Variants in SLC71A2 observed in about 807,000 individuals in gnomAD.
SLC71A2 encodes hippocampus abundant transcript-like 1.
chr9:94,417,366 G>A, the SLC71A2 span, among the ~76,000 whole-genome samples: 2 of 152,160 alleles, frequency 1.3e-5, no homozygotes, highest in Non-Finnish European at 2.9e-5. Context: ...GGAGGCTCAC[G>A]CCTGTAATCC....
the SLC71A2 span, among the ~76,000 whole-genome samples, chr9:94,407,784 C>T: frequency 1.3e-5 from 2 of 152,048 alleles, no homozygotes. Flanking sequence ...TTCAGTTACC[C>T]GAAGTGGGCT....
the SLC71A2 span, chr9:94,441,186 CT>C: frequency 3.3e-6 from 2 of 605,218 alleles, no homozygotes; most frequent in East Asian, 3.0e-5. Flanking sequence ...TTTATTAGTC[CT>C]TTCTTGCACT....
the SLC71A2 span, among the ~76,000 whole-genome samples, chr9:94,394,144 GA>G: frequency 7.4e-6 from 1 of 134,964 alleles, no homozygotes; most frequent in Non-Finnish European, 1.6e-5. Flanking sequence ...TAAATTGTTT[GA>G]AAAGTTGTGA....
At chr9:94,381,662 A>G in the SLC71A2 span, among the ~76,000 whole-genome samples, 3 of 152,238 alleles carry the variant, frequency 2.0e-5, no homozygotes, top group South Asian at 6.2e-4. Flanking sequence ...CATATGGTAG[A>G]TGTATTTAAC....
At chr9:94,420,402 A>G in the SLC71A2 span, among the ~76,000 whole-genome samples, 1 of 152,090 alleles carries the variant, frequency 6.6e-6, no homozygotes, top group South Asian at 2.1e-4. Context: ...GAAAACCACC[A>G]TTTCTGCCTG....
the SLC71A2 span, among the ~76,000 whole-genome samples, chr9:94,401,966 G>A: frequency 6.6e-6 from 1 of 152,182 alleles, no homozygotes; most frequent in African/African-American, 2.4e-5. Flanking sequence ...GACCTATAGG[G>A]TAACTTCCTG....
the SLC71A2 span, among the ~76,000 whole-genome samples, chr9:94,387,484 C>T: frequency 6.6e-6 from 1 of 151,804 alleles, no homozygotes; most frequent in South Asian, 2.1e-4. Context: ...ATGTGATATG[C>T]TTTTATTGAC....
At chr9:94,417,648 A>C in the SLC71A2 span, among the ~76,000 whole-genome samples, 13 of 152,006 alleles carry the variant, frequency 8.6e-5, no homozygotes, top group African/African-American at 3.1e-4. Flanking sequence ...AAACAAAAAA[A>C]CCCAACTCTG....
At chr9:94,431,679 A>C in the SLC71A2 span, among the ~76,000 whole-genome samples, 1 of 151,844 alleles carries the variant, frequency 6.6e-6, no homozygotes, top group African/African-American at 2.4e-5. Flanking sequence ...TTAATTTATG[A>C]ATAAATAAGA....
chr9:94,448,666 T>C, the SLC71A2 span, among the ~76,000 whole-genome samples: 47 of 152,230 alleles, frequency 3.1e-4, no homozygotes, highest in African/African-American at 9.9e-4. Flanking sequence ...AGAGTCTTGC[T>C]CTGTTGCCCA....
At chr9:94,432,271 TG>T in the SLC71A2 span, among the ~76,000 whole-genome samples, 1 of 151,750 alleles carries the variant, frequency 6.6e-6, no homozygotes, top group Non-Finnish European at 1.5e-5. Flanking sequence ...GAGGCCGAGG[TG>T]GGCTGATCAC....
the SLC71A2 span, among the ~76,000 whole-genome samples, chr9:94,442,519 C>T: frequency 9.9e-5 from 15 of 152,022 alleles, no homozygotes; most frequent in African/African-American, 2.9e-4. Context: ...AGGAAAGCTT[C>T]GAAGAAGACA....
chr9:94,375,112 A>G, the SLC71A2 span, among the ~76,000 whole-genome samples: 1 of 152,058 alleles, frequency 6.6e-6, no homozygotes, highest in Non-Finnish European at 1.5e-5. Flanking sequence ...ATCGCAGACA[A>G]AACTTTACAG....
At chr9:94,408,984 G>A in the SLC71A2 span, among the ~76,000 whole-genome samples, 3 of 151,154 alleles carry the variant, frequency 2.0e-5, no homozygotes, top group Non-Finnish European at 3.0e-5. Flanking sequence ...CCGCCACCAC[G>A]CCTGGCTAAT....
chr9:94,429,925 A>C, the SLC71A2 span, among the ~76,000 whole-genome samples: 1 of 106,274 alleles, frequency 9.4e-6, no homozygotes, highest in Non-Finnish European at 2.0e-5. Context: ...TTTTTTTTTG[A>C]GATGGAGTCT....
the SLC71A2 span, among the ~76,000 whole-genome samples, chr9:94,421,223 C>T: frequency 6.6e-6 from 1 of 151,724 alleles, no homozygotes; most frequent in South Asian, 2.1e-4. Context: ...GAACCAGATA[C>T]CTTTTTGTGT....
At chr9:94,399,344 C>T in the SLC71A2 span, among the ~76,000 whole-genome samples, 2 of 152,116 alleles carry the variant, frequency 1.3e-5, no homozygotes, top group South Asian at 2.1e-4. Flanking sequence ...AGATGTGTCA[C>T]ACTAGATATG....
the SLC71A2 span, chr9:94,458,201 T>C: frequency 3.8e-6 from 2 of 531,010 alleles, no homozygotes; most frequent in African/African-American, 6.8e-5. Flanking sequence ...ATTAGCATGC[T>C]TTCTCTTTTC....
the SLC71A2 span, among the ~76,000 whole-genome samples, chr9:94,411,593 AT>A: frequency 0.023 from 3,273 of 140,484 alleles, 113 homozygotes; most frequent in African/African-American, 0.078. Context: ...TCGTTAGCCG[AT>A]TTTTTTTTTT....
Sources: gnomAD v4.1 joint callset for allele counts (sites outside exome capture counted in the v4.1 genomes callset) on GRCh38, gnomAD v4.1.1 for gene constraint, MANE v1.5 for transcripts, NCBI Gene and HGNC (gene_info 2026-07-23, HGNC 2026-07-21) for gene names.